Variants in ZC3H12B observed in about 807,000 individuals in gnomAD.
ZC3H12B encodes the protein probable ribonuclease ZC3H12B.
In ZC3H12B, 7 loss-of-function variants were observed where a neutral mutation model predicts 43.9. The ratio of observed to expected loss-of-function variants is 0.16; its 90% CI spans 0.09 to 0.30. The LOEUF (loss-of-function observed/expected upper bound fraction) is 0.30, where lower values mean the gene tolerates loss of function less well. ZC3H12B is among the 10% of genes least tolerant of loss of function. ZC3H12B has a pLI of 1.00. For missense variants in ZC3H12B, 475 were observed against 670.2 expected (o/e 0.71, Z 3.22); for synonymous variants, 222 against 241.7 (o/e 0.92, Z 0.76).
chrX:65,328,599 C>T, the ZC3H12B span: 1 of 163,660 alleles, frequency 6.1e-6, no homozygotes, highest in Admixed American at 8.1e-5. Context: ...TACATGTGCA[C>T]CATGTGCAGG....
At chrX:65,115,911 C>T in the ZC3H12B span, among the ~76,000 whole-genome samples, 1 of 110,544 alleles carries the variant, frequency 9.0e-6, no homozygotes, top group Non-Finnish European at 1.9e-5. Context: ...TTGTTTTTTT[C>T]TTGTTCATTT....
chrX:65,241,384 C>G, the ZC3H12B span, among the ~76,000 whole-genome samples: 2 of 109,555 alleles, frequency 1.8e-5, no homozygotes, highest in Non-Finnish European at 3.8e-5. Flanking sequence ...ATGAGGACCA[C>G]CTGGACTCCC....
chrX:65,262,552 CT>C, the ZC3H12B span, among the ~76,000 whole-genome samples: 1 of 111,036 alleles, frequency 9.0e-6, no homozygotes, highest in Non-Finnish European at 1.9e-5. Context: ...TAAGTTCCAT[CT>C]CCCTACTATA....
chrX:65,411,963 T>A (rs1426098775), intron 3 of ZC3H12B, among the ~76,000 whole-genome samples: 2 of 110,518 alleles, frequency 1.8e-5, no homozygotes, highest in African/African-American at 6.6e-5. Flanking sequence ...ATAATACATA[T>A]ATAATTTTTC....
intron 2 of ZC3H12B, among the ~76,000 whole-genome samples, chrX:65,380,215 G>A (rs1205388048): frequency 2.7e-5 from 3 of 111,611 alleles, no homozygotes; most frequent in South Asian, 3.7e-4. Flanking sequence ...GAGAAAGGTA[G>A]GGTTATCCTC....
At chrX:65,437,204 G>T (rs776407966) in intron 3 of ZC3H12B, among the ~76,000 whole-genome samples, 1 of 110,687 alleles carries the variant, frequency 9.0e-6, no homozygotes. Context: ...CACCGGCCTC[G>T]GCCTCCCAAA....
the ZC3H12B span, among the ~76,000 whole-genome samples, chrX:65,169,124 T>C: frequency 9.0e-6 from 1 of 111,706 alleles, no homozygotes; most frequent in African/African-American, 3.3e-5. Context: ...AATTGTGATG[T>C]TAGGGTGTCA....
chrX:65,338,511 C>T, the ZC3H12B span, among the ~76,000 whole-genome samples: 1 of 112,010 alleles, frequency 8.9e-6, no homozygotes, highest in Admixed American at 9.5e-5. Context: ...TTAACTCACT[C>T]TACAAAGCCA....
At chrX:65,052,981 G>A in the ZC3H12B span, among the ~76,000 whole-genome samples, 1 of 111,752 alleles carries the variant, frequency 8.9e-6, no homozygotes, top group African/African-American at 3.3e-5. Flanking sequence ...TTTAACTGGA[G>A]TAAGATAATA....
chrX:65,235,671 AT>A, the ZC3H12B span, among the ~76,000 whole-genome samples: 4 of 111,334 alleles, frequency 3.6e-5, no homozygotes, highest in Non-Finnish European at 7.5e-5. Context: ...GGGCGCCTGT[AT>A]CTATATCAGG....
the ZC3H12B span, among the ~76,000 whole-genome samples, chrX:65,192,012 G>A: frequency 5.5e-5 from 6 of 109,130 alleles, no homozygotes; most frequent in Admixed American, 9.8e-5. Flanking sequence ...CTTTGTTCTC[G>A]TTGGTTTCAA....
intron 3 of ZC3H12B, among the ~76,000 whole-genome samples, chrX:65,404,423 G>C (rs1257453061): frequency 9.0e-6 from 1 of 111,486 alleles, no homozygotes; most frequent in Non-Finnish European, 1.9e-5. Flanking sequence ...GAGTGGCTGA[G>C]TGTATTAAAA....
the ZC3H12B span, among the ~76,000 whole-genome samples, chrX:65,331,744 T>G: frequency 9.0e-6 from 1 of 110,968 alleles, no homozygotes; most frequent in Non-Finnish European, 1.9e-5. Context: ...ATTCATGAGT[T>G]TTCTGGGAAA....
At chrX:65,399,490 C>T (rs940162890) in intron 3 of ZC3H12B, among the ~76,000 whole-genome samples, 1 of 111,725 alleles carries the variant, frequency 9.0e-6, no homozygotes, top group African/African-American at 3.3e-5. Flanking sequence ...AATATTATCT[C>T]ACCTCAATTA....
At chrX:65,362,544 G>C (rs148887868), upstream of ZC3H12B, among the ~76,000 whole-genome samples, 59 of 110,120 alleles carry the variant, frequency 5.4e-4, 1 homozygote, top group East Asian at 0.017. Flanking sequence ...CTTTTCCCCA[G>C]TTCAAAGCCT....
rs767400572 is a variant in ZC3H12B, at chrX:65,424,464, A to G, written n.407+25760A>G. On this transcript the variant is annotated intron_variant and non_coding_transcript_variant, in intron 3 of 5. Coordinates refer to the ZC3H12B transcript ENST00000617377. Reference sequence around the variant, plus strand: ...TTCTTTTGCTCTGCAGGAGCTATTTAGTTTAATTAGATCCCATTTGTCAAT... The same window carrying G: ...TTCTTTTGCTCTGCAGGAGCTATTTGGTTTAATTAGATCCCATTTGTCAAT... Among the ~76,000 whole-genome samples the G allele has an allele frequency of 4.5e-5, 5 of 111,971 alleles. No homozygotes were observed. The East Asian group carries it at 1.4e-3, about 31-fold the overall frequency.
At chrX:65,271,809 C>A in the ZC3H12B span, 1 of 157,291 alleles carries the variant, frequency 6.4e-6, no homozygotes, top group East Asian at 1.5e-4. Flanking sequence ...TCTGGGATAG[C>A]CAGAGTTGAA....
the ZC3H12B span, among the ~76,000 whole-genome samples, chrX:65,360,035 T>C: frequency 1.8e-5 from 2 of 112,198 alleles, no homozygotes; most frequent in Non-Finnish European, 3.8e-5. Flanking sequence ...AGTAAAAAGA[T>C]TACAACTCAC....
chrX:65,149,589 C>T, the ZC3H12B span, among the ~76,000 whole-genome samples: 1 of 108,374 alleles, frequency 9.2e-6, no homozygotes, highest in Non-Finnish European at 1.9e-5. Flanking sequence ...AGTGAAACCT[C>T]GTCTCTACTA....
Sources: allele counts gnomAD v4.1 joint callset (sites outside exome capture counted in the v4.1 genomes callset), GRCh38; gene constraint gnomAD v4.1.1; transcripts MANE v1.5; gene names NCBI Gene and HGNC (gene_info 2026-07-23, HGNC 2026-07-21).